Variants in FMN1 observed in about 807,000 individuals in gnomAD.
FMN1 encodes formin 1, also known as formin-1.
A neutral mutation model predicts 132.4 loss-of-function variants in FMN1; 110 were observed. The observed-to-expected ratio is 0.83, with a 90% CI of 0.71 to 0.97. FMN1 has a LOEUF of 0.97. Among genes scored for constraint, FMN1 ranks in the 50% least tolerant of loss-of-function variants. The pLI, the probability that FMN1 is intolerant of heterozygous loss-of-function variation, is 0.00. For missense variants in FMN1, 1,792 were observed against 1,705.3 expected (o/e 1.05, Z -0.90); for synonymous variants, 722 against 651.7 (o/e 1.11, Z -1.64).
intron 16 of FMN1, among the ~76,000 whole-genome samples, chr15:32,878,711 A>T (rs2059694163): frequency 6.6e-6 from 1 of 152,198 alleles, no homozygotes; most frequent in South Asian, 2.1e-4. Context: ...AATGTCAGGG[A>T]TGAAATGATT....
chr15:32,866,667 T>C (rs2059400207), intron 16 of FMN1, among the ~76,000 whole-genome samples: 1 of 152,224 alleles, frequency 6.6e-6, no homozygotes, highest in African/African-American at 2.4e-5. Context: ...ACTCACTTTT[T>C]CCTATTTCTT....
At chr15:33,164,207 A>C (rs1329934538) in intron 3 of FMN1, among the ~76,000 whole-genome samples, 1 of 152,254 alleles carries the variant, frequency 6.6e-6, no homozygotes, top group Admixed American at 6.5e-5. Flanking sequence ...TTCTTCAAAA[A>C]GTCTGTAAAT....
intron 7 of FMN1, among the ~76,000 whole-genome samples, chr15:32,989,752 A>C (rs343932): frequency 0.64 from 96,755 of 151,872 alleles, 31,292 homozygotes; most frequent in East Asian, 0.94. Context: ...GATGATGGGA[A>C]CAGGATGCCA....
chr15:32,819,577 T>C (rs963577124), intron 17 of FMN1, among the ~76,000 whole-genome samples: 8 of 152,324 alleles, frequency 5.3e-5, no homozygotes, highest in African/African-American at 1.4e-4. Flanking sequence ...GGACAAGATT[T>C]ATTGCATATT....
At chr15:32,805,910 A>C (rs1208713488) in intron 17 of FMN1, among the ~76,000 whole-genome samples, 1 of 152,224 alleles carries the variant, frequency 6.6e-6, no homozygotes, top group East Asian at 1.9e-4. Flanking sequence ...ATACTAAGAT[A>C]CAATTCTGAA....
intron 16 of FMN1, among the ~76,000 whole-genome samples, chr15:32,863,469 A>G (rs2059323469): frequency 6.6e-6 from 1 of 152,152 alleles, no homozygotes; most frequent in African/African-American, 2.4e-5. Context: ...ATAAATAAAC[A>G]CATCAATTCA....
At chr15:32,778,391 T>A (rs1360122203) in intron 19 of FMN1, among the ~76,000 whole-genome samples, 2 of 151,252 alleles carry the variant, frequency 1.3e-5, no homozygotes, top group Admixed American at 1.3e-4. Context: ...AAAATATTTT[T>A]AAATCATATA....
intron 4 of FMN1, among the ~76,000 whole-genome samples, chr15:33,102,420 TA>T (rs2039329809): frequency 1.3e-5 from 2 of 152,112 alleles, no homozygotes; most frequent in Admixed American, 1.3e-4. Flanking sequence ...CTCATAAAAC[TA>T]AATTTAAGTA....
intron 4 of FMN1, among the ~76,000 whole-genome samples, chr15:33,105,607 G>A (rs142224567): frequency 3.3e-5 from 5 of 152,158 alleles, no homozygotes; most frequent in Admixed American, 6.5e-5. Flanking sequence ...GAGATCAGGC[G>A]GAAAAATAGG....
intron 19 of FMN1, among the ~76,000 whole-genome samples, chr15:32,795,332 A>G (rs1016826819): frequency 6.6e-6 from 1 of 152,180 alleles, no homozygotes; most frequent in Admixed American, 6.5e-5. Context: ...CTCACCTGCA[A>G]GTCCTTGCTT....
intron 4 of FMN1, among the ~76,000 whole-genome samples, chr15:33,141,667 G>T (rs532353937): frequency 6.6e-6 from 1 of 152,320 alleles, no homozygotes; most frequent in East Asian, 1.9e-4. Context: ...ATGGTGCTGA[G>T]CTTCCGTACT....
chr15:33,143,642 G>C (rs1964096412), intron 4 of FMN1, among the ~76,000 whole-genome samples: 1 of 152,088 alleles, frequency 6.6e-6, no homozygotes, highest in African/African-American at 2.4e-5. Flanking sequence ...CTGCTGGGTG[G>C]CATGTCAGCT....
chr15:32,891,486 C>T (rs151110340), intron 15 of FMN1, among the ~76,000 whole-genome samples: 64 of 152,316 alleles, frequency 4.2e-4, no homozygotes, highest in African/African-American at 1.5e-3. Context: ...TCTTGATCTG[C>T]CTCGGCATTC....
intron 16 of FMN1, among the ~76,000 whole-genome samples, chr15:32,884,137 C>G (rs1367408268): frequency 1.3e-5 from 2 of 152,090 alleles, no homozygotes; most frequent in Non-Finnish European, 2.9e-5. Flanking sequence ...CTGATTGCTA[C>G]TATAATAAAT....
chr15:32,830,743 T>C (rs1475352550), intron 17 of FMN1, among the ~76,000 whole-genome samples: 2 of 152,222 alleles, frequency 1.3e-5, no homozygotes, highest in African/African-American at 2.4e-5. Context: ...CAGGAGTATA[T>C]GTAAGAAAAG....
chr15:32,989,677 C>T (rs184668082), intron 7 of FMN1, among the ~76,000 whole-genome samples: 61 of 152,180 alleles, frequency 4.0e-4, no homozygotes, highest in African/African-American at 1.5e-3. Flanking sequence ...AAGAGACGGG[C>T]AACAACCTAA....
chr15:32,949,982 C>CATATATATATACACAT lies in FMN1; in HGVS notation c.3138+14124_3138+14125insATGTGTATATATATAT, dbSNP rs1332663662. ...ATATATATACACACATATATATACA[C>CATATATATATACACAT]ACACATATATATACACATACACATA... On this transcript the variant is annotated intron_variant, in intron 9 of 20. Coordinates refer to ENST00000616417, the MANE Select transcript of FMN1 (RefSeq NM_001277313.2). 3.4e-4 allele frequency among the ~76,000 whole-genome samples: 2 copies of CATATATATATACACAT among 5,902 alleles called. 1 individual carries two copies. Among genetic ancestry groups the CATATATATATACACAT allele is most frequent in the Non-Finnish European group, 8.3e-4 (2 of 2,400 alleles). The allele number at this position is 5,902 out of a possible 152,430, so 3.9% of individuals were successfully genotyped here. A position where few individuals can be genotyped will look rare whatever the true frequency, so the allele number is the denominator to read the frequency against.
intron 7 of FMN1, 120 bp from the exon 8 acceptor site, chr15:32,969,597 A>C (rs2031605474): frequency 1.8e-6 from 2 of 1,115,698 alleles, no homozygotes; most frequent in Non-Finnish European, 1.3e-6. Context: ...AATGCAGGGA[A>C]ATACAGAGAC....
intron 19 of FMN1, among the ~76,000 whole-genome samples, chr15:32,785,218 A>ATATATTTTTTTTTTTTTTTT (rs1444523400): frequency 5.1e-5 from 2 of 39,196 alleles, no homozygotes; most frequent in African/African-American, 1.2e-4. Context: ...ATATATATAT[A>ATATATTTTTTTTTTTTTTTT]TTTTTTTTTT....
Sources: gnomAD v4.1 joint callset for allele counts (sites outside exome capture counted in the v4.1 genomes callset) on GRCh38, gnomAD v4.1.1 for gene constraint, MANE v1.5 for transcripts, NCBI Gene and HGNC (gene_info 2026-07-23, HGNC 2026-07-21) for gene names.